IL16: variants seen among roughly 807,000 people sequenced by gnomAD.
The protein encoded by IL16 is interleukin 16, also known as pro-interleukin-16.
Under a neutral mutation model 110.1 loss-of-function variants are expected in IL16, and 67 were observed. That is an observed-to-expected ratio of 0.61 (90% CI 0.50 to 0.75). The LOEUF (loss-of-function observed/expected upper bound fraction) is 0.75. Among genes scored for constraint, IL16 ranks in the 30% least tolerant of loss-of-function variants. The probability of loss-of-function intolerance (pLI) is 0.00; values close to 1 mark genes in which losing one functional copy is unlikely to be tolerated. For synonymous variants in IL16, 689 were observed against 662.9 expected, an observed-to-expected ratio of 1.04 and a Z score of -0.61; for missense variants, 1,545 against 1,655.0, an observed-to-expected ratio of 0.93 and a Z score of 1.15.
At chr15:81,258,602 G>A (rs1474108848) in intron 2 of IL16, among the ~76,000 whole-genome samples, 3 of 152,158 alleles carry the variant, frequency 2.0e-5, no homozygotes, top group African/African-American at 7.2e-5. Flanking sequence ...TCAGGAGGCT[G>A]AGTGGGAGGA....
intron 2 of IL16, among the ~76,000 whole-genome samples, chr15:81,233,656 T>C (rs1398765252): frequency 1.3e-5 from 2 of 152,044 alleles, no homozygotes; most frequent in African/African-American, 4.8e-5. Context: ...TGTATGTGTA[T>C]GCATATATAT....
chr15:81,232,511 C>A (rs1047406916), intron 2 of IL16, among the ~76,000 whole-genome samples: 3 of 152,008 alleles, frequency 2.0e-5, no homozygotes, highest in African/African-American at 7.3e-5. Flanking sequence ...GGAAGTTTGC[C>A]TCTGTTCACA....
chr15:81,242,985 G>T (rs1897387030), intron 2 of IL16, among the ~76,000 whole-genome samples: 1 of 150,658 alleles, frequency 6.6e-6, no homozygotes. Flanking sequence ...GATTCTTCTT[G>T]TTTAGCCTAT....
At chr15:81,220,301 T>C (rs1896570373) in intron 1 of IL16, among the ~76,000 whole-genome samples, 1 of 152,062 alleles carries the variant, frequency 6.6e-6, no homozygotes, top group African/African-American at 2.4e-5. Context: ...TGCTGGCTAG[T>C]TTTTTTGTTT....
At chr15:81,197,368 G>A (rs76629113) in intron 1 of IL16, among the ~76,000 whole-genome samples, 2,742 of 152,306 alleles carry the variant, frequency 0.018, 80 homozygotes, top group African/African-American at 0.063. Flanking sequence ...GGAGGAAGCA[G>A]CTTCAGAAGG....
intron 12 of IL16, among the ~76,000 whole-genome samples, chr15:81,295,063 C>CA (rs1899920080): frequency 6.6e-6 from 1 of 152,130 alleles, no homozygotes. Context: ...TTTTCTTCAA[C>CA]AAAAAACTAA....
chr15:81,241,829 A>T (rs1408066666), intron 2 of IL16, among the ~76,000 whole-genome samples: 1 of 151,970 alleles, frequency 6.6e-6, no homozygotes, highest in East Asian at 1.9e-4. Context: ...ATATAGCCAC[A>T]GTCACTTCCC....
intron 1 of IL16, among the ~76,000 whole-genome samples, chr15:81,213,224 T>C (rs1476906797): frequency 6.6e-6 from 1 of 152,244 alleles, no homozygotes; most frequent in African/African-American, 2.4e-5. Context: ...CTGATTTCTA[T>C]TTTTATTGCA....
chr15:81,224,527 C>T (rs1296473891), intron 1 of IL16, among the ~76,000 whole-genome samples: 3 of 152,158 alleles, frequency 2.0e-5, no homozygotes, highest in Non-Finnish European at 4.4e-5. Flanking sequence ...AAGCAGGAGC[C>T]CCTGGGCCTG....
rs1900879499 is a variant in IL16 at position 81,311,963 on chromosome 15, G to A, written c.*3165G>A. On this transcript the variant is annotated 3_prime_UTR_variant, in exon 19 of 19. Transcript: ENST00000683961. ...CACATTTAAGAGACAGTCACCCCAG[G>A]ACTCAAAAATAGGGAAGTAACAGTA... 1 of 152,214 alleles carries A rather than the reference G, an allele frequency of 6.6e-6. No individual in the cohort carries two copies. Among genetic ancestry groups the A allele is most frequent in the South Asian group, 2.1e-4 (1 of 4,828 alleles). The allele number at this position is 152,214 out of a possible 1,614,324, so 9.4% of individuals were successfully genotyped here. A position where few individuals can be genotyped will look rare whatever the true frequency, so the allele number is the denominator to read the frequency against.
chr15:81,293,163 CTG>C, intron 12 of IL16, 126 bp downstream of exon 12: 1 of 1,066,784 alleles, frequency 9.4e-7, no homozygotes, highest in East Asian at 2.5e-5. Flanking sequence ...CAGAGAGAAA[CTG>C]TTGCCTAGGA....
intron 2 of IL16, among the ~76,000 whole-genome samples, chr15:81,258,616 C>T (rs1484247181): frequency 6.6e-6 from 1 of 152,246 alleles, no homozygotes; most frequent in East Asian, 1.9e-4. Context: ...GGGAGGATCT[C>T]TGGAGCCCAG....
chr15:81,290,775 G>A (rs1899676884), intron 11 of IL16, among the ~76,000 whole-genome samples: 1 of 152,138 alleles, frequency 6.6e-6, no homozygotes, highest in Admixed American at 6.5e-5. Flanking sequence ...TGCTACAAAT[G>A]TGCCAGGCTC....
chr15:81,265,643 T>TC lies in IL16; in HGVS notation c.422-14dup. On this transcript the variant is annotated splice_polypyrimidine_tract_variant and intron_variant, in intron 3 of 18. Transcript: ENST00000683961. The stretch of plus-strand genomic sequence containing the variant: ...AGCACAAATGATTTCTTGCTGTTTT[T>TC]CCTCTTCTGGTTTAGGTGTTAATCC... 5.6e-6 allele frequency: 9 copies of TC among 1,612,284 alleles called. No individual in the cohort carries two copies. Among genetic ancestry groups the TC allele is most frequent in the Non-Finnish European group, 7.6e-6 (9 of 1,179,290 alleles).
chr15:81,269,568 A>T lies in IL16; in HGVS notation c.595A>T (p.Thr199Ser), dbSNP rs1262591767. Reference sequence around the variant, plus strand: ...TTCGAGACCAACACGGTCCCTGAGCACAGCTCAGCTCGTGCAGCCATCTGG... The same window carrying T: ...TTCGAGACCAACACGGTCCCTGAGCTCAGCTCAGCTCGTGCAGCCATCTGG... ...GTSRPTRSLS[T>S]AQLVQPSGGL... The change falls in exon 5 of 19, where the codon ACA (threonine) becomes TCA (serine). Residue 199 changes from threonine (T) to serine (S), a missense_variant. Coordinates refer to ENST00000683961, the MANE Select transcript of IL16 (RefSeq NM_172217.5). The T allele has an allele frequency of 6.2e-7, 1 of 1,614,056 alleles. No individual in the cohort carries two copies. The highest frequency in any genetic ancestry group is 8.5e-7 in the Non-Finnish European group (1 of 1,179,938).
At chr15:81,201,503 C>T (rs1350711897) in intron 1 of IL16, among the ~76,000 whole-genome samples, 2 of 152,178 alleles carry the variant, frequency 1.3e-5, no homozygotes, top group African/African-American at 4.8e-5. Context: ...AGTTGTTCAT[C>T]CACGAACAAC....
chr15:81,226,035 G>A (rs1416629430), intron 2 of IL16, among the ~76,000 whole-genome samples: 1 of 152,194 alleles, frequency 6.6e-6, no homozygotes, highest in Non-Finnish European at 1.5e-5. Context: ...AGGCATTATA[G>A]AGCATACCAT....
chr15:81,211,342 C>A (rs968450040), intron 1 of IL16, among the ~76,000 whole-genome samples: 4 of 152,020 alleles, frequency 2.6e-5, no homozygotes, highest in Admixed American at 6.5e-5. Context: ...ACCTCCACCT[C>A]CCAGGTTCAG....
intron 1 of IL16, among the ~76,000 whole-genome samples, chr15:81,183,908 C>G (rs1895381506): frequency 6.6e-6 from 1 of 152,206 alleles, no homozygotes; most frequent in Non-Finnish European, 1.5e-5. Context: ...GAAACAATAA[C>G]TAAGATAAAG....
Sources: allele counts gnomAD v4.1 joint callset (sites outside exome capture counted in the v4.1 genomes callset), GRCh38; gene constraint gnomAD v4.1.1; transcripts MANE v1.5; gene names NCBI Gene and HGNC (gene_info 2026-07-23, HGNC 2026-07-21).